The following SLX9 variants were observed in gnomAD, a reference collection of about 807,000 sequenced individuals.
SLX9 encodes the protein ribosome biogenesis protein SLX9 homolog.
A neutral mutation model predicts 20.8 loss-of-function variants in SLX9; 19 were observed. That is an observed-to-expected ratio of 0.91 (90% CI 0.64 to 1.34). SLX9 has a LOEUF of 1.34. Ranked by LOEUF, SLX9 falls within the 40% of genes most tolerant of loss-of-function variation. The pLI is 0.00. For synonymous variants in SLX9, 113 were observed against 137.1 expected (o/e 0.82, Z 1.23); for missense variants, 299 against 322.2 (o/e 0.93, Z 0.55).
intron 3 of SLX9, among the ~76,000 whole-genome samples, chr21:44,965,174 C>T (rs1027955399): frequency 5.3e-5 from 8 of 152,160 alleles, no homozygotes; most frequent in Non-Finnish European, 8.8e-5. Flanking sequence ...CTAAAAATCC[C>T]GTTGAAATTT....
intron 2 of SLX9, among the ~76,000 whole-genome samples, chr21:44,955,582 C>G (rs1160601748): frequency 3.3e-5 from 5 of 152,158 alleles, no homozygotes; most frequent in Non-Finnish European, 7.3e-5. Flanking sequence ...GTGGTACAAT[C>G]TGGCCTCACT....
At chr21:44,964,450 C>A (rs969247913) in intron 3 of SLX9, among the ~76,000 whole-genome samples, 1 of 152,220 alleles carries the variant, frequency 6.6e-6, no homozygotes, top group Non-Finnish European at 1.5e-5. Context: ...CTGTTCCTCC[C>A]GTTGCAGGGC....
chr21:44,971,438 G>A (rs567839899), intron 4 of SLX9, among the ~76,000 whole-genome samples: 2 of 152,182 alleles, frequency 1.3e-5, no homozygotes, highest in Non-Finnish European at 2.9e-5. Flanking sequence ...ACGCGTGGGT[G>A]GGGGACGGTC....
chr21:44,943,810 G>A lies in SLX9; in HGVS notation c.256G>A (p.Ala86Thr). The A allele has an allele frequency of 1.2e-6, 2 of 1,613,158 alleles. No homozygotes were observed. Among genetic ancestry groups the A allele is most frequent in the Non-Finnish European group, 1.7e-6 (2 of 1,179,972 alleles). ...SVRRGEAGSS[A>T]RSVPSIRRGA... Reference sequence around the variant, plus strand: ...CAGGAGAGGTGAGGCAGGCTCGAGTGCACGGAGCGTCCCTTCCATCAGGAG... The same window carrying A: ...CAGGAGAGGTGAGGCAGGCTCGAGTACACGGAGCGTCCCTTCCATCAGGAG... The change falls in exon 2 of 6, where the codon GCA (alanine) becomes ACA (threonine). Residue 86 changes from alanine (A) to threonine (T), a missense_variant. Physicochemically the swap from Ala to Thr is moderately conservative, Grantham distance 58 (BLOSUM62 0). Transcript: ENST00000291634.
At chr21:44,941,405 C>G (rs2084545156) in intron 1 of SLX9, among the ~76,000 whole-genome samples, 2 of 150,736 alleles carry the variant, frequency 1.3e-5, no homozygotes, top group South Asian at 4.2e-4. Context: ...TATGTGACCT[C>G]TCTCCTTGTC....
intron 2 of SLX9, among the ~76,000 whole-genome samples, chr21:44,952,989 T>A (rs1199504064): frequency 6.6e-6 from 1 of 152,130 alleles, no homozygotes; most frequent in Non-Finnish European, 1.5e-5. Context: ...TGCCACTGTA[T>A]TCTGGGTGTG....
intron 5 of SLX9, among the ~76,000 whole-genome samples, chr21:44,974,896 T>C (rs1347369558): frequency 6.6e-6 from 1 of 152,214 alleles, no homozygotes. Flanking sequence ...CCTCCCTGCC[T>C]GGACAGGGCG....
chr21:44,943,587 C>A (rs897955584), intron 1 of SLX9, 97 bp from the exon 2 acceptor site: 22 of 1,504,754 alleles, frequency 1.5e-5, no homozygotes, highest in Non-Finnish European at 1.9e-5. Flanking sequence ...AATCCAGGTT[C>A]TTGTCTTGCA....
At chr21:44,954,831 G>A (rs2084825719) in intron 2 of SLX9, among the ~76,000 whole-genome samples, 1 of 152,202 alleles carries the variant, frequency 6.6e-6, no homozygotes, top group Admixed American at 6.5e-5. Flanking sequence ...CCAGGACACT[G>A]TCTTTGACCA....
intron 2 of SLX9, among the ~76,000 whole-genome samples, chr21:44,951,558 T>G (rs535688260): frequency 6.6e-6 from 1 of 152,298 alleles, no homozygotes; most frequent in South Asian, 2.1e-4. Flanking sequence ...TTACCTAAAA[T>G]TACTTCTGTA....
At chr21:44,961,321 G>A (rs1214427793) in intron 3 of SLX9, among the ~76,000 whole-genome samples, 4 of 152,146 alleles carry the variant, frequency 2.6e-5, no homozygotes, top group African/African-American at 9.7e-5. Context: ...TCTCATGCCT[G>A]TAATCCCAGC....
At chr21:44,943,273 T>A (rs1431478548) in intron 1 of SLX9, among the ~76,000 whole-genome samples, 1 of 152,244 alleles carries the variant, frequency 6.6e-6, no homozygotes, top group East Asian at 1.9e-4. Flanking sequence ...GTGGTCAGTC[T>A]GAGCTGAAAG....
chr21:44,959,291 C>G (rs1046167393), intron 2 of SLX9: 1 of 982,812 alleles, frequency 1.0e-6, no homozygotes, highest in African/African-American at 1.7e-5. Flanking sequence ...GAGATGTGTT[C>G]TGGGGAGAAT....
intron 5 of SLX9, 35 bp downstream of exon 5, chr21:44,973,300 C>G (rs1339088766): frequency 6.2e-7 from 1 of 1,607,952 alleles, no homozygotes; most frequent in Non-Finnish European, 8.5e-7. Flanking sequence ...AGGGGTTCAG[C>G]TCCTGAGTGC....
chr21:44,948,459 T>G (rs1223210903), intron 2 of SLX9, among the ~76,000 whole-genome samples: 1 of 152,146 alleles, frequency 6.6e-6, no homozygotes, highest in Non-Finnish European at 1.5e-5. Flanking sequence ...CGCTTAGAAT[T>G]GGATTTCTAG....
In SLX9 at chr21:44,972,662, G is replaced by A. The variant is rs541236777; in HGVS notation, c.501-535G>A. Among the ~76,000 whole-genome samples, 7 of 152,318 alleles carry A rather than the reference G, an allele frequency of 4.6e-5. No individual in the cohort carries two copies. The South Asian group carries it at 1.0e-3, about 23-fold the overall frequency. On this transcript the variant is annotated intron_variant, in intron 4 of 5. Transcript: ENST00000291634. The stretch of plus-strand genomic sequence containing the variant: ...GTGCAGCTTCCCACTGTAGCACAGC[G>A]TGCGCCTTCTTCTAAAGAGAGGACC...
intron 2 of SLX9, among the ~76,000 whole-genome samples, chr21:44,947,162 C>CCCCCA (rs1345800838): frequency 2.6e-5 from 4 of 152,192 alleles, no homozygotes; most frequent in East Asian, 1.9e-4. Context: ...TGCGTCCCTA[C>CCCCCA]CCCCACCCCA....
At chr21:44,976,550 G>A (rs1403239258) in intron 5 of SLX9, 130 bp from the exon 6 acceptor site, 1 of 1,380,828 alleles carries the variant, frequency 7.2e-7, no homozygotes, top group African/African-American at 1.5e-5. Flanking sequence ...AGTTTCCGAG[G>A]CCCCAGTACT....
intron 4 of SLX9, among the ~76,000 whole-genome samples, chr21:44,967,701 C>T (rs1286142896): frequency 6.6e-6 from 1 of 152,210 alleles, no homozygotes; most frequent in Non-Finnish European, 1.5e-5. Flanking sequence ...AGAGGGTGGC[C>T]CGTGAGGACG....
Sources: allele counts gnomAD v4.1 joint callset (sites outside exome capture counted in the v4.1 genomes callset), GRCh38; gene constraint gnomAD v4.1.1; transcripts MANE v1.5; gene names NCBI Gene and HGNC (gene_info 2026-07-23, HGNC 2026-07-21).